The following NEK10 variants were observed in gnomAD, a reference collection of about 807,000 sequenced individuals.
NEK10 encodes serine/threonine-protein kinase Nek10.
Under a neutral mutation model 159.8 loss-of-function variants are expected in NEK10, and 122 were observed. The observed-to-expected ratio is 0.76, with a 90% CI of 0.66 to 0.89. The LOEUF is 0.89. Ranked by LOEUF, NEK10 falls within the 40% of genes least tolerant of loss-of-function variation. NEK10 has a pLI of 0.00. For synonymous variants in NEK10, 466 were observed against 457.1 expected (o/e 1.02, Z -0.25); for missense variants, 1,342 against 1,323.1 (o/e 1.01, Z -0.22).
At chr3:27,162,593 GC>G (rs759880907) in intron 30 of NEK10, 107 bp downstream of exon 30, 1 of 1,614,020 alleles carries the variant, frequency 6.2e-7, no homozygotes, top group Non-Finnish European at 8.5e-7. Flanking sequence ...AGGTCAAGAG[GC>G]AGCAAAGCTG....
intron 22 of NEK10, among the ~76,000 whole-genome samples, chr3:27,271,183 CTATCTATCT>C (rs960329361): frequency 3.3e-5 from 5 of 151,828 alleles, no homozygotes; most frequent in Non-Finnish European, 7.4e-5. Flanking sequence ...ATCTATCTAT[CTATCTATCT>C]ATCTACCTAT....
intron 23 of NEK10, chr3:27,206,492 TCCTC>T (rs1224970039): frequency 1.5e-6 from 1 of 688,172 alleles, no homozygotes; most frequent in Non-Finnish European, 1.8e-6. Flanking sequence ...AATGGTTCCT[TCCTC>T]CCTCTCAGAT....
At chr3:27,314,572 G>A (rs1221959502) in intron 6 of NEK10, among the ~76,000 whole-genome samples, 7 of 152,090 alleles carry the variant, frequency 4.6e-5, no homozygotes, top group African/African-American at 1.2e-4. Context: ...GCTCAGAACC[G>A]CAGCCTGCCC....
chr3:27,164,056 T>C (rs910882251), intron 29 of NEK10, among the ~76,000 whole-genome samples: 1 of 152,156 alleles, frequency 6.6e-6, no homozygotes, highest in African/African-American at 2.4e-5. Flanking sequence ...AGGCTAACAC[T>C]CTCTTGATCT....
intron 22 of NEK10, among the ~76,000 whole-genome samples, chr3:27,272,248 A>G (rs2041422265): frequency 1.3e-5 from 2 of 152,138 alleles, no homozygotes; most frequent in South Asian, 2.1e-4. Flanking sequence ...CTCCAGCCCT[A>G]TAAAGCACCT....
At chr3:27,359,134 A>G (rs2048513446) in intron 1 of NEK10, among the ~76,000 whole-genome samples, 1 of 151,194 alleles carries the variant, frequency 6.6e-6, no homozygotes, top group Admixed American at 6.6e-5. Context: ...CCCAGGAGGC[A>G]GAGGTTGCAG....
intron 3 of NEK10, among the ~76,000 whole-genome samples, chr3:27,350,235 G>T (rs767084977): frequency 6.6e-6 from 1 of 152,096 alleles, no homozygotes; most frequent in African/African-American, 2.4e-5. Context: ...ATTTTGTTGA[G>T]CATTTCTGCT....
intron 23 of NEK10, chr3:27,214,998 C>A: frequency 1.5e-6 from 1 of 675,852 alleles, no homozygotes. Flanking sequence ...GGTCCCACTT[C>A]CGGCCAAGCT....
chr3:27,306,608 T>C (rs2044262937), intron 11 of NEK10, among the ~76,000 whole-genome samples: 1 of 152,200 alleles, frequency 6.6e-6, no homozygotes, highest in Non-Finnish European at 1.5e-5. Flanking sequence ...GTCCCCATAA[T>C]GTTCATGATA....
chr3:27,149,257 A>G (rs1944600748), intron 30 of NEK10, among the ~76,000 whole-genome samples: 1 of 152,174 alleles, frequency 6.6e-6, no homozygotes, highest in South Asian at 2.1e-4. Context: ...CAGTTACTCA[A>G]TAAATAGTTT....
At chr3:27,264,618 C>A (rs2040723669) in intron 22 of NEK10, among the ~76,000 whole-genome samples, 1 of 152,098 alleles carries the variant, frequency 6.6e-6, no homozygotes, top group Non-Finnish European at 1.5e-5. Context: ...TTGGCCAAGC[C>A]TGGTGGCTCA....
chr3:27,186,610 G>T (rs892707038), intron 26 of NEK10, among the ~76,000 whole-genome samples: 1 of 152,180 alleles, frequency 6.6e-6, no homozygotes, highest in Non-Finnish European at 1.5e-5. Flanking sequence ...CGGGAGCTTT[G>T]AAGAAGCTTC....
chr3:27,254,918 TACACACACACACAC>T (rs3035705), intron 23 of NEK10, among the ~76,000 whole-genome samples: 1 of 141,796 alleles, frequency 7.1e-6, no homozygotes, highest in South Asian at 2.3e-4. Flanking sequence ...CTCTTTCTCT[TACACACACACACAC>T]ACACACACAC....
intron 31 of NEK10, among the ~76,000 whole-genome samples, chr3:27,139,098 C>T (rs935855280): frequency 4.6e-5 from 7 of 152,072 alleles, no homozygotes; most frequent in African/African-American, 1.7e-4. Flanking sequence ...GAAATTTAAT[C>T]GAGCAGCTTA....
At chr3:27,346,620 G>A (rs568238502) in intron 3 of NEK10, among the ~76,000 whole-genome samples, 1 of 152,238 alleles carries the variant, frequency 6.6e-6, no homozygotes, top group South Asian at 2.1e-4. Context: ...TGATTCAAAC[G>A]TGCAAGCTGA....
intron 31 of NEK10, among the ~76,000 whole-genome samples, chr3:27,136,882 A>G (rs909154257): frequency 1.3e-5 from 2 of 152,210 alleles, no homozygotes; most frequent in African/African-American, 2.4e-5. Context: ...GTGGCCCCTC[A>G]GTTTAGGGCA....
intron 23 of NEK10, chr3:27,216,040 A>G (rs1000142074): frequency 4.3e-6 from 2 of 463,594 alleles, no homozygotes; most frequent in Non-Finnish European, 7.6e-6. Flanking sequence ...TCCAAACCAT[A>G]TCAGAAAGTA....
intron 23 of NEK10, among the ~76,000 whole-genome samples, chr3:27,248,546 G>C (rs1030956349): frequency 1.3e-5 from 2 of 151,886 alleles, no homozygotes; most frequent in African/African-American, 4.8e-5. Flanking sequence ...ATAGGTTTTG[G>C]TATGTTGTGT....
At chr3:27,271,149 TTCTA>T (rs72089289) in intron 22 of NEK10, among the ~76,000 whole-genome samples, 69,204 of 147,920 alleles carry the variant, frequency 0.47, 16,270 homozygotes, top group South Asian at 0.54. Context: ...TCTATCTATC[TTCTA>T]TCTATCTATC....
Sources: gnomAD v4.1 joint callset for allele counts (sites outside exome capture counted in the v4.1 genomes callset) on GRCh38, gnomAD v4.1.1 for gene constraint, MANE v1.5 for transcripts, NCBI Gene and HGNC (gene_info 2026-07-23, HGNC 2026-07-21) for gene names.